Variants in DOK5 observed in about 807,000 individuals in gnomAD.
DOK5 encodes the protein docking protein 5.
A neutral mutation model predicts 43.3 loss-of-function variants in DOK5; 27 were observed. The observed-to-expected ratio is 0.62, with a 90% CI of 0.46 to 0.86. The LOEUF (loss-of-function observed/expected upper bound fraction) is 0.86. Among genes scored for constraint, DOK5 ranks in the 40% least tolerant of loss-of-function variants. DOK5 has a pLI of 0.00. For synonymous variants in DOK5, 146 were observed against 140.1 expected, an observed-to-expected ratio of 1.04 and a Z score of -0.30; for missense variants, 373 against 392.9, an observed-to-expected ratio of 0.95 and a Z score of 0.43.
At chr20:54,476,094 A>G in intron 1 of DOK5, 82 bp downstream of exon 1, 1 of 1,586,920 alleles carries the variant, frequency 6.3e-7, no homozygotes, top group Non-Finnish European at 8.6e-7. Flanking sequence ...GGGTGGACGG[A>G]GAGTCCCCGG....
chr20:54,499,775 G>C (rs564573840), intron 1 of DOK5, among the ~76,000 whole-genome samples: 1 of 152,150 alleles, frequency 6.6e-6, no homozygotes, highest in Non-Finnish European at 1.5e-5. Flanking sequence ...GGTTAAATCT[G>C]GGATTCAATG....
At chr20:54,643,387 C>T in intron 6 of DOK5, 71 bp from the exon 7 acceptor site, 1 of 1,584,700 alleles carries the variant, frequency 6.3e-7, no homozygotes, top group South Asian at 1.1e-5. Context: ...TCCATGCTCT[C>T]CTGTTTCCTC....
At chr20:54,511,908 T>C (rs143781066) in intron 1 of DOK5, among the ~76,000 whole-genome samples, 1 of 152,360 alleles carries the variant, frequency 6.6e-6, no homozygotes, top group East Asian at 1.9e-4. Flanking sequence ...CTGGCCTTCA[T>C]TGGCCAAAAT....
chr20:54,628,881 T>G (rs1038562012), intron 6 of DOK5, among the ~76,000 whole-genome samples: 6 of 152,204 alleles, frequency 3.9e-5, no homozygotes, highest in Admixed American at 2.6e-4. Flanking sequence ...CACAAGCACA[T>G]TTTTTATTTT....
At chr20:54,518,645 TG>T (rs1983285759) in intron 1 of DOK5, among the ~76,000 whole-genome samples, 1 of 152,208 alleles carries the variant, frequency 6.6e-6, no homozygotes, top group African/African-American at 2.4e-5. Context: ...TACCCAATAA[TG>T]GGATGGCTGA....
chr20:54,497,965 A>C (rs1250105747), intron 1 of DOK5, among the ~76,000 whole-genome samples: 1 of 152,210 alleles, frequency 6.6e-6, no homozygotes, highest in East Asian at 1.9e-4. Flanking sequence ...TAGTGAATCT[A>C]TTTAAGTTAA....
chr20:54,548,760 T>C (rs1465515150), intron 1 of DOK5, among the ~76,000 whole-genome samples: 1 of 152,250 alleles, frequency 6.6e-6, no homozygotes, highest in African/African-American at 2.4e-5. Flanking sequence ...ATTTTCAAAC[T>C]GTCATTCTTT....
intron 2 of DOK5, among the ~76,000 whole-genome samples, chr20:54,558,697 T>C (rs1395673798): frequency 6.6e-6 from 1 of 152,206 alleles, no homozygotes; most frequent in Non-Finnish European, 1.5e-5. Flanking sequence ...ATCATGCTAT[T>C]TGATCAATAC....
At chr20:54,502,585 A>G (rs981694920) in intron 1 of DOK5, among the ~76,000 whole-genome samples, 5 of 152,212 alleles carry the variant, frequency 3.3e-5, no homozygotes, top group Admixed American at 2.6e-4. Flanking sequence ...TCTTTCAGCC[A>G]TATTTCAAGC....
chr20:54,557,776 A>G (rs907082025), intron 2 of DOK5, among the ~76,000 whole-genome samples: 6 of 152,128 alleles, frequency 3.9e-5, no homozygotes, highest in Admixed American at 3.3e-4. Context: ...AAGAGAGGCC[A>G]TTTCTTGACT....
intron 6 of DOK5, among the ~76,000 whole-genome samples, chr20:54,637,800 G>T (rs140483372): frequency 8.9e-4 from 135 of 152,360 alleles, no homozygotes; most frequent in African/African-American, 3.1e-3. Flanking sequence ...CTAGCTAGGT[G>T]CTGGGAATAG....
In DOK5 at chr20:54,650,569, GACC is replaced by G; in HGVS notation, c.*92_*94del. 1 of 1,275,068 alleles carries G rather than the reference GACC, an allele frequency of 7.8e-7. No homozygotes were observed. The highest frequency in any genetic ancestry group is 1.5e-5 in the African/African-American group (1 of 68,076). 79.0% of individuals were successfully genotyped at this position (1,275,068 alleles called of 1,614,324 possible). A position where few individuals can be genotyped will look rare whatever the true frequency, so the allele number is the denominator to read the frequency against. ...ACAGAATGACAGCAAGGGAAATGAC[GACC>G]AAGAGAAGAAGCTTAAAGTCCTGGC... is the stretch of plus-strand genomic sequence containing the variant. On this transcript the variant is annotated 3_prime_UTR_variant, in exon 8 of 8. Coordinates refer to ENST00000262593, the MANE Select transcript of DOK5 (RefSeq NM_018431.5).
intron 2 of DOK5, among the ~76,000 whole-genome samples, chr20:54,558,678 G>GAAAT (rs1984797120): frequency 6.6e-6 from 1 of 152,138 alleles, no homozygotes; most frequent in African/African-American, 2.4e-5. Context: ...AAGAAATGAG[G>GAAAT]AAATGTACAT....
At chr20:54,617,081 C>T (rs570635647) in intron 6 of DOK5, among the ~76,000 whole-genome samples, 47 of 152,190 alleles carry the variant, frequency 3.1e-4, no homozygotes, top group East Asian at 1.2e-3. Context: ...TGAGCCACTG[C>T]GCCCAGCCAA....
At chr20:54,551,455 A>G (rs1278234686) in intron 1 of DOK5, among the ~76,000 whole-genome samples, 1 of 152,200 alleles carries the variant, frequency 6.6e-6, no homozygotes, top group African/African-American at 2.4e-5. Flanking sequence ...CTTTGATAAC[A>G]GGTCTAAGAA....
intron 6 of DOK5, among the ~76,000 whole-genome samples, chr20:54,635,457 T>C (rs964177806): frequency 6.6e-6 from 1 of 152,184 alleles, no homozygotes; most frequent in Non-Finnish European, 1.5e-5. Context: ...ATAAAAACCT[T>C]GGTCTCCACA....
chr20:54,509,154 G>A (rs1982924717), intron 1 of DOK5, among the ~76,000 whole-genome samples: 1 of 152,108 alleles, frequency 6.6e-6, no homozygotes, highest in Non-Finnish European at 1.5e-5. Flanking sequence ...GGGATTACAG[G>A]TGTGAGCCAC....
chr20:54,498,112 AT>A (rs1367229018), intron 1 of DOK5, among the ~76,000 whole-genome samples: 3 of 152,298 alleles, frequency 2.0e-5, no homozygotes. Flanking sequence ...AGAGCAACAG[AT>A]CATGTTCATC....
chr20:54,608,528 T>A (rs1234439017), intron 5 of DOK5, among the ~76,000 whole-genome samples: 1 of 152,192 alleles, frequency 6.6e-6, no homozygotes, highest in African/African-American at 2.4e-5. Flanking sequence ...TTACTGAAAA[T>A]GCCTTGAATT....
Sources: gnomAD v4.1 joint callset for allele counts (sites outside exome capture counted in the v4.1 genomes callset) on GRCh38, gnomAD v4.1.1 for gene constraint, MANE v1.5 for transcripts, NCBI Gene and HGNC (gene_info 2026-07-23, HGNC 2026-07-21) for gene names.